CNTNAP2: variants seen among roughly 807,000 people sequenced by gnomAD.
CNTNAP2 encodes the protein contactin-associated protein-like 2.
A neutral mutation model predicts 155.2 loss-of-function variants in CNTNAP2; 98 were observed. The ratio of observed to expected loss-of-function variants is 0.63; its 90% CI spans 0.54 to 0.75. The LOEUF (loss-of-function observed/expected upper bound fraction) is 0.75, where lower values mean the gene tolerates loss of function less well. Among genes scored for constraint, CNTNAP2 ranks in the 30% least tolerant of loss-of-function variants. CNTNAP2 has a pLI of 0.00. For missense variants in CNTNAP2, 1,727 were observed against 1,688.1 expected, an observed-to-expected ratio of 1.02 and a Z score of -0.40; for synonymous variants, 651 against 631.2, an observed-to-expected ratio of 1.03 and a Z score of -0.47.
chr7:147,063,920 T>G (rs58653608), intron 4 of CNTNAP2, among the ~76,000 whole-genome samples: 3,675 of 152,212 alleles, frequency 0.024, 252 homozygotes, highest in East Asian at 0.19. Context: ...CATTTTGACA[T>G]TATAGGAGAG....
intron 9 of CNTNAP2, among the ~76,000 whole-genome samples, chr7:147,351,249 TACACC>T (rs1279007331): frequency 6.6e-6 from 1 of 151,848 alleles, no homozygotes; most frequent in Non-Finnish European, 1.5e-5. Flanking sequence ...AGATTAGTTT[TACACC>T]TAATAATGTA....
chr7:147,909,528 T>C (rs1209133764), intron 14 of CNTNAP2, among the ~76,000 whole-genome samples: 1 of 152,194 alleles, frequency 6.6e-6, no homozygotes, highest in Non-Finnish European at 1.5e-5. Context: ...CCTGATTATC[T>C]ATGCTGGGAG....
At chr7:148,141,764 A>G (rs559267458) in intron 16 of CNTNAP2, among the ~76,000 whole-genome samples, 8 of 152,382 alleles carry the variant, frequency 5.2e-5, no homozygotes, top group African/African-American at 1.9e-4. Flanking sequence ...GTTATTTAAC[A>G]TAGAATGTTT....
intron 13 of CNTNAP2, among the ~76,000 whole-genome samples, chr7:147,681,438 A>G (rs1795946804): frequency 6.6e-6 from 1 of 151,892 alleles, no homozygotes; most frequent in Non-Finnish European, 1.5e-5. Context: ...GAACTTTCTG[A>G]AACTTTTTCC....
chr7:146,119,973 A>G (rs1044122057), intron 1 of CNTNAP2, among the ~76,000 whole-genome samples: 1 of 151,910 alleles, frequency 6.6e-6, no homozygotes, highest in African/African-American at 2.4e-5. Flanking sequence ...TATAGCACAT[A>G]TATTAAGTAT....
rs955149813 is a variant in CNTNAP2, at chr7:147,571,847, T to C, written c.1897+9590T>C. Among the ~76,000 whole-genome samples, 3 of 152,184 alleles carry C rather than the reference T, an allele frequency of 2.0e-5. No homozygotes were observed. In the South Asian group the frequency reaches 6.2e-4, roughly 31 times the overall value. ...TATTTCTTTCTCATCAAAGCCATTT[T>C]CTCTCCTCTTTCTGTCTCCTAACCT... On this transcript the variant is annotated intron_variant, in intron 12 of 23. Coordinates refer to ENST00000361727, the MANE Select transcript of CNTNAP2 (RefSeq NM_014141.6).
At chr7:148,272,595 T>C (rs1348737871) in intron 21 of CNTNAP2, among the ~76,000 whole-genome samples, 1 of 152,024 alleles carries the variant, frequency 6.6e-6, no homozygotes, top group Non-Finnish European at 1.5e-5. Context: ...GGGATAAAAA[T>C]AATAAGATGA....
In CNTNAP2 at chr7:148,285,251, A is replaced by G. The variant is rs367629277; in HGVS notation, c.3475+18125A>G. ...CTTTTAAATGTAGCTGTTAAAAAAC[A>G]ATAAAGTGTATTTATCTAAGGAAGA... On this transcript the variant is annotated intron_variant, in intron 21 of 23. Transcript: ENST00000361727. Among the ~76,000 whole-genome samples the G allele has an allele frequency of 1.7e-3, 261 of 152,384 alleles. 1 individual carries two copies. Among genetic ancestry groups the G allele is most frequent in the African/African-American group, 6.1e-3 (253 of 41,598 alleles).
At chr7:147,131,517 G>A (rs965524322) in intron 7 of CNTNAP2, among the ~76,000 whole-genome samples, 1 of 151,434 alleles carries the variant, frequency 6.6e-6, no homozygotes, top group African/African-American at 2.4e-5. Flanking sequence ...AGAAGGGGAG[G>A]GGAAAGCCTG....
At chr7:147,480,301 C>G (rs911762472) in intron 10 of CNTNAP2, among the ~76,000 whole-genome samples, 4 of 152,146 alleles carry the variant, frequency 2.6e-5, no homozygotes, top group African/African-American at 9.7e-5. Flanking sequence ...CAAAAATAAG[C>G]TATCAGTAAC....
chr7:147,239,553 G>C (rs919118713), intron 8 of CNTNAP2, among the ~76,000 whole-genome samples: 6 of 149,910 alleles, frequency 4.0e-5, no homozygotes, highest in Admixed American at 1.3e-4. Flanking sequence ...ACGCATTCAT[G>C]ACTGTGCATA....
chr7:146,745,634 G>C (rs891614440), intron 1 of CNTNAP2, among the ~76,000 whole-genome samples: 1 of 152,006 alleles, frequency 6.6e-6, no homozygotes, highest in Non-Finnish European at 1.5e-5. Flanking sequence ...AAGCGTGGTG[G>C]TGCACACCTG....
chr7:146,710,692 T>C (rs1421254412), intron 1 of CNTNAP2, among the ~76,000 whole-genome samples: 1 of 152,150 alleles, frequency 6.6e-6, no homozygotes, highest in East Asian at 1.9e-4. Flanking sequence ...GTCTTTTACA[T>C]ATAATTTGGG....
At chr7:146,468,464 A>G (rs942483683) in intron 1 of CNTNAP2, among the ~76,000 whole-genome samples, 2 of 152,076 alleles carry the variant, frequency 1.3e-5, no homozygotes, top group African/African-American at 4.8e-5. Context: ...AAAAGAAGAC[A>G]ATGATCTGGG....
intron 13 of CNTNAP2, among the ~76,000 whole-genome samples, chr7:147,697,482 C>T (rs79105401): frequency 0.011 from 1,645 of 152,178 alleles, 32 homozygotes; most frequent in African/African-American, 0.038. Flanking sequence ...TTTCAACATC[C>T]CTACCATATC....
chr7:147,980,217 G>A (rs117598237), intron 15 of CNTNAP2, among the ~76,000 whole-genome samples: 303 of 152,214 alleles, frequency 2.0e-3, no homozygotes, highest in South Asian at 3.5e-3. Context: ...TATTGCAACT[G>A]ATAATCAAGA....
chr7:146,148,568 C>A (rs761038839), intron 1 of CNTNAP2, among the ~76,000 whole-genome samples: 1 of 151,956 alleles, frequency 6.6e-6, no homozygotes, highest in Non-Finnish European at 1.5e-5. Context: ...AAGACGTGCA[C>A]GCCTGATTTA....
chr7:147,638,507 T>G (rs1795219897), intron 12 of CNTNAP2, among the ~76,000 whole-genome samples: 1 of 152,250 alleles, frequency 6.6e-6, no homozygotes, highest in African/African-American at 2.4e-5. Context: ...TTTCTCGCAG[T>G]GAAATTTTCA....
intron 3 of CNTNAP2, among the ~76,000 whole-genome samples, chr7:146,931,306 G>A (rs1485283834): frequency 1.3e-5 from 2 of 151,898 alleles, no homozygotes; most frequent in African/African-American, 4.8e-5. Context: ...TCAACTACAT[G>A]GAAACTGAAC....
Sources: allele counts gnomAD v4.1 joint callset (sites outside exome capture counted in the v4.1 genomes callset), GRCh38; gene constraint gnomAD v4.1.1; transcripts MANE v1.5; gene names NCBI Gene and HGNC (gene_info 2026-07-23, HGNC 2026-07-21).